The following CHLSN variants were observed in gnomAD, a reference collection of about 807,000 sequenced individuals.
CHLSN encodes cholesin.
At chr7:1,093,801 C>T in the CHLSN span, 1 of 412,858 alleles carries the variant, frequency 2.4e-6, no homozygotes, top group Admixed American at 2.6e-5. Context: ...ATAAACCTGT[C>T]ATGTGCGGAT....
At chr7:1,073,310 C>T in the CHLSN span, among the ~76,000 whole-genome samples, 2 of 152,256 alleles carry the variant, frequency 1.3e-5, no homozygotes, top group East Asian at 3.9e-4. Context: ...CAACACTGCC[C>T]TCCCTCCTCA....
the CHLSN span, among the ~76,000 whole-genome samples, chr7:1,106,565 C>G: frequency 2.2e-3 from 338 of 152,318 alleles, 3 homozygotes; most frequent in African/African-American, 7.8e-3. Context: ...TCAGGAGGAG[C>G]CCGGCCCACA....
At chr7:1,028,021 T>C in the CHLSN span, among the ~76,000 whole-genome samples, 1 of 886 alleles carries the variant, frequency 1.1e-3, no homozygotes, top group East Asian at 0.02. Flanking sequence ...GGAGAGTAAG[T>C]GGGAGGAGGG....
the CHLSN span, among the ~76,000 whole-genome samples, chr7:1,062,837 G>T: frequency 2.0e-5 from 3 of 152,146 alleles, no homozygotes; most frequent in African/African-American, 7.2e-5. Flanking sequence ...GAGAATCTAG[G>T]CAGGAAGCAT....
the CHLSN span, chr7:986,756 C>T: frequency 1.2e-6 from 2 of 1,603,712 alleles, no homozygotes; most frequent in Non-Finnish European, 1.7e-6. Flanking sequence ...CCCGGGGGAC[C>T]CCGTGTGCAG....
chr7:987,228 G>A, the CHLSN span: 33 of 1,535,782 alleles, frequency 2.1e-5, no homozygotes, highest in Admixed American at 7.9e-5. Flanking sequence ...CTGATGGGCC[G>A]GCACCCGGAC....
chr7:1,122,016 A>G, the CHLSN span, among the ~76,000 whole-genome samples: 4 of 152,080 alleles, frequency 2.6e-5, no homozygotes, highest in East Asian at 5.8e-4. Context: ...ACCTTGACAC[A>G]TGGACCCTGC....
the CHLSN span, among the ~76,000 whole-genome samples, chr7:1,005,556 G>C: frequency 2.2e-3 from 342 of 152,370 alleles, 2 homozygotes; most frequent in African/African-American, 7.6e-3. Context: ...CTGTCCCTCG[G>C]CAGCGGGGCA....
chr7:985,120 G>T, the CHLSN span: 1 of 1,607,452 alleles, frequency 6.2e-7, no homozygotes. Flanking sequence ...GGCCGGGGAC[G>T]CCCCTCCCCG....
chr7:1,103,777 C>T, the CHLSN span, among the ~76,000 whole-genome samples: 7 of 152,332 alleles, frequency 4.6e-5, no homozygotes, highest in Non-Finnish European at 8.8e-5. Context: ...GCCCCTGAGA[C>T]GGGTCTGCGG....
At chr7:1,030,176 C>T in the CHLSN span, among the ~76,000 whole-genome samples, 282 of 152,320 alleles carry the variant, frequency 1.9e-3, 6 homozygotes, top group South Asian at 0.042. Flanking sequence ...CCTCCATGAA[C>T]GCGCCAACTC....
chr7:1,112,705 T>TAAAAAAAAAAAAAAA, the CHLSN span, among the ~76,000 whole-genome samples: 1 of 99,130 alleles, frequency 1.0e-5, no homozygotes, highest in Non-Finnish European at 2.3e-5. Context: ...TCCAAATGGC[T>TAAAAAAAAAAAAAAA]AAAAAAAAAA....
the CHLSN span, among the ~76,000 whole-genome samples, chr7:992,476 C>T: frequency 1.3e-5 from 2 of 152,350 alleles, no homozygotes; most frequent in East Asian, 3.9e-4. Flanking sequence ...CCCACGGAGA[C>T]GCCGTTTAAT....
At chr7:1,009,010 C>T in the CHLSN span, among the ~76,000 whole-genome samples, 2 of 145,544 alleles carry the variant, frequency 1.4e-5, no homozygotes, top group East Asian at 2.0e-4. Flanking sequence ...CGCACACACA[C>T]ACACATACAC....
the CHLSN span, among the ~76,000 whole-genome samples, chr7:1,018,450 G>C: frequency 1.3e-5 from 2 of 152,176 alleles, no homozygotes; most frequent in East Asian, 3.9e-4. Flanking sequence ...GAGGAGATGT[G>C]ATGAGGAGAC....
At chr7:979,821 C>T in the CHLSN span, among the ~76,000 whole-genome samples, 3 of 152,066 alleles carry the variant, frequency 2.0e-5, no homozygotes, top group Non-Finnish European at 4.4e-5. Flanking sequence ...TTCCAGGGGG[C>T]GCGCCCAGTC....
the CHLSN span, among the ~76,000 whole-genome samples, chr7:1,135,499 G>C: frequency 6.6e-6 from 1 of 151,880 alleles, no homozygotes. Flanking sequence ...GGGCACGGTG[G>C]CTCACGCCTG....
the CHLSN span, among the ~76,000 whole-genome samples, chr7:1,040,183 T>TTAAAAAA: frequency 1.3e-5 from 1 of 74,528 alleles, no homozygotes; most frequent in African/African-American, 4.5e-5. Flanking sequence ...AAAATAAATT[T>TTAAAAAA]AAAAAAAAAA....
chr7:1,072,097 C>G, the CHLSN span, among the ~76,000 whole-genome samples: 2 of 152,188 alleles, frequency 1.3e-5, no homozygotes, highest in Admixed American at 1.3e-4. Flanking sequence ...ACACCTTAGA[C>G]TCTGGCCTAA....
Sources: gnomAD v4.1 joint callset for allele counts (sites outside exome capture counted in the v4.1 genomes callset) on GRCh38, gnomAD v4.1.1 for gene constraint, MANE v1.5 for transcripts, NCBI Gene and HGNC (gene_info 2026-07-23, HGNC 2026-07-21) for gene names.